SPOCK3: variants seen among roughly 807,000 people sequenced by gnomAD.
The protein encoded by SPOCK3 is SPARC (osteonectin), cwcv and kazal like domains proteoglycan 3.
Under a neutral mutation model 56.6 loss-of-function variants are expected in SPOCK3, and 30 were observed. The ratio of observed to expected loss-of-function variants is 0.53; its 90% CI spans 0.40 to 0.72. The LOEUF (loss-of-function observed/expected upper bound fraction) is 0.72, where lower values mean the gene tolerates loss of function less well. SPOCK3 is among the 30% of genes least tolerant of loss of function. SPOCK3 has a pLI of 0.00. For missense variants in SPOCK3, 527 were observed against 530.0 expected (o/e 0.99, Z 0.06); for synonymous variants, 196 against 183.3 (o/e 1.07, Z -0.56).
chr4:167,121,604 T>C (rs992294422), intron 2 of SPOCK3, among the ~76,000 whole-genome samples: 43 of 152,308 alleles, frequency 2.8e-4, no homozygotes, highest in South Asian at 1.7e-3. Context: ...TTTTATCTGA[T>C]AGAATCCCTC....
chr4:166,901,735 G>A (rs1458748378), intron 5 of SPOCK3, among the ~76,000 whole-genome samples: 2 of 152,110 alleles, frequency 1.3e-5, no homozygotes, highest in African/African-American at 4.8e-5. Context: ...GGATGTATAA[G>A]GTAGATCTGG....
chr4:166,912,510 T>G (rs1737394679), intron 5 of SPOCK3, 110 bp downstream of exon 5: 2 of 1,072,246 alleles, frequency 1.9e-6, no homozygotes, highest in South Asian at 3.0e-5. Flanking sequence ...ATTTATTTTA[T>G]AAGTTAAATG....
intron 2 of SPOCK3, among the ~76,000 whole-genome samples, chr4:167,161,081 A>G (rs1765261022): frequency 6.6e-6 from 1 of 152,226 alleles, no homozygotes; most frequent in African/African-American, 2.4e-5. Flanking sequence ...GCACAGCAAA[A>G]GAAACTACCA....
intron 4 of SPOCK3, among the ~76,000 whole-genome samples, chr4:166,917,034 A>G (rs1490410782): frequency 1.3e-5 from 2 of 152,196 alleles, no homozygotes; most frequent in East Asian, 3.9e-4. Context: ...CTCAAGTAGC[A>G]AATGAAAGAC....
intron 2 of SPOCK3, among the ~76,000 whole-genome samples, chr4:167,233,111 C>T (rs1244422405): frequency 6.6e-6 from 1 of 152,224 alleles, no homozygotes; most frequent in East Asian, 1.9e-4. Context: ...GGCCTCCTCA[C>T]TGGGACAACC....
At chr4:166,958,257 G>A (rs903503172) in intron 4 of SPOCK3, among the ~76,000 whole-genome samples, 1 of 152,130 alleles carries the variant, frequency 6.6e-6, no homozygotes, top group Non-Finnish European at 1.5e-5. Context: ...CTTTCTCCGT[G>A]TGATGAGCCT....
intron 6 of SPOCK3, among the ~76,000 whole-genome samples, chr4:166,838,262 C>T (rs1339348544): frequency 2.0e-5 from 3 of 152,092 alleles, no homozygotes; most frequent in African/African-American, 4.8e-5. Flanking sequence ...TTTTCAGCTC[C>T]ACTTGGTTTT....
intron 8 of SPOCK3, chr4:166,754,191 T>A (rs1736770267): frequency 9.6e-7 from 1 of 1,045,162 alleles, no homozygotes; most frequent in African/African-American, 1.7e-5. Context: ...AGATAGCAAA[T>A]TAATTTTAAT....
At chr4:166,979,215 A>C (rs1746313851) in intron 4 of SPOCK3, among the ~76,000 whole-genome samples, 1 of 152,148 alleles carries the variant, frequency 6.6e-6, no homozygotes, top group Admixed American at 6.5e-5. Flanking sequence ...CTTCCTACCC[A>C]GAGTAAGCCC....
At chr4:166,925,874 T>A (rs1178517736) in intron 4 of SPOCK3, among the ~76,000 whole-genome samples, 1 of 152,162 alleles carries the variant, frequency 6.6e-6, no homozygotes, top group Non-Finnish European at 1.5e-5. Flanking sequence ...TTAAGAAAAC[T>A]CATGGAGCCA....
In SPOCK3 at chr4:167,228,682, C is replaced by T. The variant is rs902509971; in HGVS notation, c.189+5303G>A. On this transcript the variant is annotated intron_variant, in intron 2 of 10. Coordinates refer to ENST00000357545, the MANE Select transcript of SPOCK3 (RefSeq NM_001040159.2). ...TGTGGAGTTTGTGCTGTGATCACGG[C>T]TTAACTAGGATCCTGATGACAAAAA... Among the ~76,000 whole-genome samples, 2 of 152,188 alleles carry T rather than the reference C, an allele frequency of 1.3e-5. 1 individual carries two copies. The highest frequency in any genetic ancestry group is 4.1e-4 in the South Asian group (2 of 4,824).
At chr4:166,872,108 T>A (rs1359206260) in intron 6 of SPOCK3, among the ~76,000 whole-genome samples, 6 of 151,168 alleles carry the variant, frequency 4.0e-5, no homozygotes, top group Non-Finnish European at 5.9e-5. Flanking sequence ...ATTTTAATTA[T>A]GACAAACTGA....
At chr4:167,031,596 T>C in intron 3 of SPOCK3, among the ~76,000 whole-genome samples, 1 of 152,016 alleles carries the variant, frequency 6.6e-6, no homozygotes, top group East Asian at 1.9e-4. Context: ...GAAAGATGTC[T>C]GCTCGCCTAC....
intron 9 of SPOCK3, among the ~76,000 whole-genome samples, chr4:166,740,179 G>A (rs1301573663): frequency 6.6e-6 from 1 of 151,936 alleles, no homozygotes; most frequent in Non-Finnish European, 1.5e-5. Context: ...AGGACATGGG[G>A]CATCATACTC....
intron 4 of SPOCK3, among the ~76,000 whole-genome samples, chr4:166,934,333 CA>C (rs34556103): frequency 0.029 from 4,137 of 140,266 alleles, 171 homozygotes; most frequent in African/African-American, 0.1. Context: ...ACTAAAAATA[CA>C]AAAAAAAAAA....
chr4:167,141,907 A>G (rs1464934202), intron 2 of SPOCK3, among the ~76,000 whole-genome samples: 1 of 152,010 alleles, frequency 6.6e-6, no homozygotes, highest in Non-Finnish European at 1.5e-5. Flanking sequence ...ACAAAGAAAA[A>G]ATCTAACTGT....
intron 6 of SPOCK3, among the ~76,000 whole-genome samples, chr4:166,818,671 T>A (rs1205368873): frequency 6.6e-6 from 1 of 152,016 alleles, no homozygotes; most frequent in Non-Finnish European, 1.5e-5. Flanking sequence ...GTAAAAGCTG[T>A]TGTTGAAAAT....
chr4:167,020,747 A>G (rs1387094286), intron 3 of SPOCK3, among the ~76,000 whole-genome samples: 1 of 152,078 alleles, frequency 6.6e-6, no homozygotes, highest in Non-Finnish European at 1.5e-5. Flanking sequence ...ACAAAGACAC[A>G]TGAAAGAAGC....
At chr4:167,055,938 T>C (rs1265447405) in intron 3 of SPOCK3, among the ~76,000 whole-genome samples, 2 of 152,128 alleles carry the variant, frequency 1.3e-5, no homozygotes, top group African/African-American at 4.8e-5. Context: ...CTGACAGCTT[T>C]GAAGAGAGCA....
Sources: gnomAD v4.1 joint callset for allele counts (sites outside exome capture counted in the v4.1 genomes callset) on GRCh38, gnomAD v4.1.1 for gene constraint, MANE v1.5 for transcripts, NCBI Gene and HGNC (gene_info 2026-07-23, HGNC 2026-07-21) for gene names.